Variants in PCDHGB3 observed in about 807,000 individuals in gnomAD.
PCDHGB3 encodes the protein protocadherin gamma-B3.
PCDHGB3 carries 40 observed loss-of-function variants against 59.2 expected under a neutral mutation model. The ratio of observed to expected loss-of-function variants is 0.68; its 90% CI spans 0.52 to 0.88. PCDHGB3 has a LOEUF of 0.88. Among genes scored for constraint, PCDHGB3 ranks in the 40% least tolerant of loss-of-function variants. PCDHGB3 has a pLI of 0.00. For synonymous variants in PCDHGB3, 581 were observed against 503.6 expected (o/e 1.15, Z -2.06); for missense variants, 1,309 against 1,187.9 (o/e 1.10, Z -1.50).
At chr5:141,467,178 A>C (rs1344437465) in intron 1 of PCDHGB3, among the ~76,000 whole-genome samples, 1 of 151,604 alleles carries the variant, frequency 6.6e-6, no homozygotes, top group Non-Finnish European at 1.5e-5. Flanking sequence ...TCAGCCTCCC[A>C]AGTAGCTGGG....
chr5:141,383,162 G>T (rs1778883191), intron 1 of PCDHGB3: 1 of 1,614,006 alleles, frequency 6.2e-7, no homozygotes, highest in Non-Finnish European at 8.5e-7. Context: ...GTCACTGCGG[G>T]CAGGATAGAC....
intron 1 of PCDHGB3, among the ~76,000 whole-genome samples, chr5:141,488,493 C>T (rs1594759823): frequency 6.6e-6 from 1 of 152,226 alleles, no homozygotes; most frequent in East Asian, 1.9e-4. Context: ...AAAACTGTAA[C>T]ACTCATTCCA....
intron 1 of PCDHGB3, chr5:141,413,001 G>A (rs2095597089): frequency 1.7e-6 from 1 of 592,790 alleles, no homozygotes; most frequent in Non-Finnish European, 2.8e-6. Flanking sequence ...CGGATTCTCA[G>A]GGCTTCAACT....
At chr5:141,421,189 C>G in intron 1 of PCDHGB3, 1 of 1,477,674 alleles carries the variant, frequency 6.8e-7, no homozygotes, top group Non-Finnish European at 9.0e-7. Flanking sequence ...CACAACCAAC[C>G]AGCTCGAGAA....
At position 141,409,702 on chromosome 5, in the gene PCDHGB3, G is replaced by T. The variant is rs545411022; in HGVS notation, c.2415+36893G>T. The T allele has an allele frequency of 1.9e-6, 3 of 1,613,226 alleles. No individual in the cohort carries two copies. The East Asian group carries it at 6.7e-5, about 36-fold the overall frequency. ...TGGCGAGTGACCTAGAGCCCCTGGC[G>T]GTGTCGTCATACGTGTCAGTGAGCG... On this transcript the variant is annotated intron_variant, in intron 1 of 3. Coordinates refer to ENST00000576222, the MANE Select transcript of PCDHGB3 (RefSeq NM_018924.5).
intron 1 of PCDHGB3, among the ~76,000 whole-genome samples, chr5:141,470,854 A>G (rs553276517): frequency 6.6e-6 from 1 of 152,028 alleles, no homozygotes; most frequent in Admixed American, 6.6e-5. Context: ...TGCTCAGATA[A>G]GTTTTTTGTT....
At position 141,473,164 on chromosome 5, in the gene PCDHGB3, G is replaced by A. The variant is rs190029663; in HGVS notation, c.2416-21643G>A. Among the ~76,000 whole-genome samples the A allele has an allele frequency of 1.6e-3, 241 of 152,250 alleles. 5 individuals carry two copies. The highest frequency in any genetic ancestry group is 2.1e-4 in the Non-Finnish European group (14 of 68,014). ...TCTTCAGATCACTAGGGCTAGGAAG[G>A]CCCACTGGTAACTTGAAGGAGTAAA... On this transcript the variant is annotated intron_variant, in intron 1 of 3. Transcript: ENST00000576222.
chr5:141,404,174 C>A, intron 1 of PCDHGB3: 1 of 1,613,138 alleles, frequency 6.2e-7, no homozygotes, highest in Non-Finnish European at 8.5e-7. Flanking sequence ...GTTGACGGCC[C>A]AAATTCTTGA....
intron 2 of PCDHGB3, among the ~76,000 whole-genome samples, chr5:141,499,575 T>TCCCTA (rs2099792820): frequency 1.3e-5 from 2 of 152,202 alleles, no homozygotes; most frequent in Non-Finnish European, 2.9e-5. Context: ...CTTCAACTAA[T>TCCCTA]GCCTTATCTT....
At chr5:141,413,588 A>C in intron 1 of PCDHGB3, 1 of 1,613,922 alleles carries the variant, frequency 6.2e-7, no homozygotes, top group South Asian at 1.1e-5. Flanking sequence ...CCAAAATTCC[A>C]AGCAGAAAAT....
intron 1 of PCDHGB3, among the ~76,000 whole-genome samples, chr5:141,483,557 G>A (rs141633312): frequency 4.5e-4 from 69 of 152,276 alleles, no homozygotes; most frequent in Admixed American, 1.9e-3. Context: ...GCCATTCACA[G>A]AGACAGTGAA....
At chr5:141,411,423 CA>C (rs200531177) in intron 1 of PCDHGB3, 3 of 147,666 alleles carry the variant, frequency 2.0e-5, no homozygotes, top group Admixed American at 6.8e-5. Context: ...ACAACAACAA[CA>C]AAAAAAAACA....
intron 1 of PCDHGB3, chr5:141,398,380 C>G: frequency 6.9e-7 from 1 of 1,455,908 alleles, no homozygotes; most frequent in South Asian, 1.2e-5. Flanking sequence ...CGGGGAGTTG[C>G]TTGTGAGCAG....
rs761106133 is a variant in PCDHGB3 at position 141,432,117 on chromosome 5, C to A, written c.2415+59308C>A. 1 of 1,614,180 alleles carries A rather than the reference C, an allele frequency of 6.2e-7. No individual in the cohort carries two copies. Among genetic ancestry groups the A allele is most frequent in the Admixed American group, 1.7e-5 (1 of 60,024 alleles). ...ACCAACGACAACCCGCCGGTCTTCC[C>A]TCAGGCCTCCTATTCCGCTTATATC... On this transcript the variant is annotated intron_variant, in intron 1 of 3. Transcript: ENST00000576222. The surrounding 1 kb of genome is among the most constrained non-coding windows in gnomAD (Gnocchi z 6.0).
At chr5:141,376,522 G>C in intron 1 of PCDHGB3, 1 of 1,613,784 alleles carries the variant, frequency 6.2e-7, no homozygotes, top group Non-Finnish European at 8.5e-7. Context: ...GTTTCTTTCC[G>C]CCTAAGCGGG....
chr5:141,408,624 A>G, intron 1 of PCDHGB3: 1 of 1,614,016 alleles, frequency 6.2e-7, no homozygotes, highest in Non-Finnish European at 8.5e-7. Flanking sequence ...ATACATTTAG[A>G]AATTTTCGAA....
At chr5:141,421,469 G>A in intron 1 of PCDHGB3, 1 of 1,614,122 alleles carries the variant, frequency 6.2e-7, no homozygotes, top group Non-Finnish European at 8.5e-7. Flanking sequence ...GTGAATCCGC[G>A]AAGCGGCAGC....
intron 1 of PCDHGB3, chr5:141,404,577 T>C (rs2094542300): frequency 6.2e-7 from 1 of 1,613,954 alleles, no homozygotes; most frequent in South Asian, 1.1e-5. Context: ...AGCCCACCAC[T>C]TAGCAGCAAT....
At chr5:141,408,712 T>C in intron 1 of PCDHGB3, 2 of 1,612,332 alleles carry the variant, frequency 1.2e-6, no homozygotes, top group Non-Finnish European at 1.7e-6. Flanking sequence ...TTAAAGATTA[T>C]AAGATAAACT....
Sources: allele counts gnomAD v4.1 joint callset (sites outside exome capture counted in the v4.1 genomes callset), GRCh38; gene constraint gnomAD v4.1.1; non-coding constraint Gnocchi (gnomAD v3.1); transcripts MANE v1.5; gene names NCBI Gene and HGNC (gene_info 2026-07-23, HGNC 2026-07-21).